RAB3IP: variants seen among roughly 807,000 people sequenced by gnomAD.
The protein encoded by RAB3IP is RAB3A interacting protein, also known as rab-3A-interacting protein.
Under a neutral mutation model 59.1 loss-of-function variants are expected in RAB3IP, and 36 were observed. The ratio of observed to expected loss-of-function variants is 0.61; its 90% CI spans 0.47 to 0.80. The LOEUF (loss-of-function observed/expected upper bound fraction) is 0.80. RAB3IP is among the 30% of genes least tolerant of loss of function. The pLI, the probability that RAB3IP is intolerant of heterozygous loss-of-function variation, is 0.00. For synonymous variants in RAB3IP, 207 were observed against 191.2 expected (o/e 1.08, Z -0.68); for missense variants, 511 against 536.0 (o/e 0.95, Z 0.46).
At chr12:69,779,884 ATTGT>A (rs1251088393) in intron 3 of RAB3IP, among the ~76,000 whole-genome samples, 2 of 152,066 alleles carry the variant, frequency 1.3e-5, no homozygotes, top group African/African-American at 4.8e-5. Context: ...TAGTTCCCTG[ATTGT>A]TCTGAATGCT....
intron 1 of RAB3IP, among the ~76,000 whole-genome samples, chr12:69,749,162 A>G (rs1170967659): frequency 1.3e-5 from 2 of 152,208 alleles, no homozygotes; most frequent in African/African-American, 4.8e-5. Flanking sequence ...GCAGAAGGTA[A>G]GTGGCGGACA....
chr12:69,768,697 T>G (rs1252064078), intron 3 of RAB3IP, among the ~76,000 whole-genome samples: 1 of 152,162 alleles, frequency 6.6e-6, no homozygotes, highest in Non-Finnish European at 1.5e-5. Context: ...GAGAAACTGC[T>G]GTGGTAATAG....
intron 4 of RAB3IP, among the ~76,000 whole-genome samples, chr12:69,786,756 C>T (rs1200066287): frequency 6.6e-6 from 1 of 151,766 alleles, no homozygotes; most frequent in Admixed American, 6.6e-5. Context: ...AAACTTCTCC[C>T]TGTAAGTAGC....
chr12:69,767,213 A>T lies in RAB3IP; in HGVS notation c.510+10550A>T, dbSNP rs189069419. On this transcript the variant is annotated intron_variant, in intron 3 of 10. Coordinates refer to ENST00000247833, the MANE Select transcript of RAB3IP (RefSeq NM_022456.5). ...CCCTATTGGGGTGTGACTGTAGAGA[A>T]TTCTGGGTAGGATCTTTTGGTTTTG... 1.2e-4 allele frequency among the ~76,000 whole-genome samples: 19 copies of T among 152,014 alleles called. No individual in the cohort carries two copies. In the East Asian group the frequency reaches 3.3e-3, roughly 26 times the overall value.
At chr12:69,751,507 T>C (rs1869285934) in intron 1 of RAB3IP, among the ~76,000 whole-genome samples, 1 of 152,166 alleles carries the variant, frequency 6.6e-6, no homozygotes, top group Non-Finnish European at 1.5e-5. Context: ...TTTTTTCTGG[T>C]GTTTCTGAGT....
intron 10 of RAB3IP, among the ~76,000 whole-genome samples, chr12:69,814,650 G>A (rs1040117794): frequency 6.6e-6 from 1 of 151,872 alleles, no homozygotes; most frequent in African/African-American, 2.4e-5. Flanking sequence ...GTACCCTGGA[G>A]TGGCCAGGGA....
chr12:69,797,820 A>T (rs1877743051), intron 6 of RAB3IP, among the ~76,000 whole-genome samples: 1 of 152,026 alleles, frequency 6.6e-6, no homozygotes, highest in African/African-American at 2.4e-5. Flanking sequence ...GATGATTTCC[A>T]GTTTCATCCA....
chr12:69,756,671 A>G lies in RAB3IP; in HGVS notation c.510+8A>G. On this transcript the variant is annotated splice_region_variant and intron_variant, in intron 3 of 10. Transcript: ENST00000247833. ...CTCGCAAAAGCTCAGAGGGTAAGAA[A>G]GAAGATATTTTATTCTTCCATATAT... 2.5e-6 allele frequency: 4 copies of G among 1,605,434 alleles called. No homozygotes were observed. The highest frequency in any genetic ancestry group is 3.4e-6 in the Non-Finnish European group (4 of 1,176,436).
At chr12:69,785,718 C>G (rs746413721) in intron 4 of RAB3IP, among the ~76,000 whole-genome samples, 1 of 152,186 alleles carries the variant, frequency 6.6e-6, no homozygotes, top group Non-Finnish European at 1.5e-5. Context: ...AAATGTTATT[C>G]TTATCCAGAA....
Position 69,815,556 on chromosome 12 carries a change from C to T in RAB3IP, c.*110C>T. ...AGGAGTGAGCCTAAGACTTTTTTCC[C>T]CTTTTGCAAATTGCTCTAAGAAGTA... On this transcript the variant is annotated 3_prime_UTR_variant, in exon 11 of 11. Coordinates refer to ENST00000247833, the MANE Select transcript of RAB3IP (RefSeq NM_022456.5). The T allele has an allele frequency of 1.3e-6, 1 of 757,544 alleles. No individual in the cohort carries two copies. The highest frequency in any genetic ancestry group is 2.2e-6 in the Non-Finnish European group (1 of 454,068). The allele number at this position is 757,544 out of a possible 1,614,324, so 46.9% of individuals were successfully genotyped here. A position where few individuals can be genotyped will look rare whatever the true frequency, so the allele number is the denominator to read the frequency against.
rs1053717004 is a variant in RAB3IP, at chr12:69,818,059, A to G, written c.*2613A>G. The G allele has an allele frequency of 2.9e-5, 1 of 34,972 alleles. No individual in the cohort carries two copies. Among genetic ancestry groups the G allele is most frequent in the Non-Finnish European group, 9.1e-5 (1 of 10,974 alleles). The allele number at this position is 34,972 out of a possible 1,614,324, so 2.2% of individuals were successfully genotyped here. ...TTCATTCGATTGGTGAAAATGAAGAAACACAAAGTCAAGTTTTGGAGAGGG... is the reference window on the plus strand; with the variant it reads ...TTCATTCGATTGGTGAAAATGAAGAGACACAAAGTCAAGTTTTGGAGAGGG... On this transcript the variant is annotated 3_prime_UTR_variant, in exon 11 of 11. Coordinates refer to ENST00000247833, the MANE Select transcript of RAB3IP (RefSeq NM_022456.5).
chr12:69,756,950 TG>T (rs1386018936), intron 3 of RAB3IP, among the ~76,000 whole-genome samples: 6 of 152,188 alleles, frequency 3.9e-5, no homozygotes, highest in African/African-American at 1.2e-4. Flanking sequence ...GCAGATTGAG[TG>T]GGCTATATTC....
chr12:69,805,547 G>A (rs1360884535), intron 8 of RAB3IP, among the ~76,000 whole-genome samples: 54 of 152,030 alleles, frequency 3.6e-4, no homozygotes, highest in Non-Finnish European at 6.5e-4. Flanking sequence ...AATAGGAGTG[G>A]TGAGAGAGGG....
At chr12:69,772,318 G>A (rs561926142) in intron 3 of RAB3IP, among the ~76,000 whole-genome samples, 8 of 152,026 alleles carry the variant, frequency 5.3e-5, no homozygotes, top group Non-Finnish European at 1.2e-4. Context: ...TGAGTCTCTT[G>A]TAGGCAGGCA....
intron 3 of RAB3IP, among the ~76,000 whole-genome samples, chr12:69,771,625 T>G (rs1262921534): frequency 1.3e-5 from 2 of 152,236 alleles, no homozygotes; most frequent in Admixed American, 1.3e-4. Flanking sequence ...AGTGCAGCTG[T>G]CTCTTTGACA....
At chr12:69,739,752 A>G (rs1887096692) in intron 1 of RAB3IP, 2 of 1,374,982 alleles carry the variant, frequency 1.5e-6, no homozygotes, top group East Asian at 2.3e-5. Flanking sequence ...CAGCGTTGAC[A>G]ACTCGCCCCG....
intron 1 of RAB3IP, among the ~76,000 whole-genome samples, chr12:69,742,092 T>G (rs1474309916): frequency 6.6e-6 from 1 of 152,240 alleles, no homozygotes; most frequent in Non-Finnish European, 1.5e-5. Context: ...GAACGCACTT[T>G]ACATATTTTA....
intron 8 of RAB3IP, among the ~76,000 whole-genome samples, chr12:69,808,253 A>G (rs1879796865): frequency 6.6e-6 from 1 of 152,118 alleles, no homozygotes; most frequent in Non-Finnish European, 1.5e-5. Flanking sequence ...GTGGTCTGAG[A>G]GACAGTTTGT....
intron 8 of RAB3IP, among the ~76,000 whole-genome samples, chr12:69,803,909 T>C (rs980775379): frequency 3.4e-4 from 52 of 152,342 alleles, no homozygotes; most frequent in African/African-American, 1.1e-3. Flanking sequence ...TGTTGGACAT[T>C]TGGGTTGGTT....
Sources: allele counts gnomAD v4.1 joint callset (sites outside exome capture counted in the v4.1 genomes callset), GRCh38; gene constraint gnomAD v4.1.1; transcripts MANE v1.5; gene names NCBI Gene and HGNC (gene_info 2026-07-23, HGNC 2026-07-21).